The following HDAC9 variants were observed in gnomAD, a reference collection of about 807,000 sequenced individuals.
HDAC9 encodes the protein histone deacetylase 9.
Under a neutral mutation model 139.4 loss-of-function variants are expected in HDAC9, and 41 were observed. That is an observed-to-expected ratio of 0.29 (90% CI 0.23 to 0.38). HDAC9 has a LOEUF of 0.38. HDAC9 is among the 10% of genes least tolerant of loss of function. The probability of loss-of-function intolerance (pLI) is 1.00; values close to 1 mark genes in which losing one functional copy is unlikely to be tolerated. For synonymous variants in HDAC9, 517 were observed against 476.2 expected (o/e 1.09, Z -1.12); for missense variants, 1,147 against 1,297.0 (o/e 0.88, Z 1.78).
At chr7:18,725,936 C>G (rs1376501201) in intron 12 of HDAC9, among the ~76,000 whole-genome samples, 2 of 152,102 alleles carry the variant, frequency 1.3e-5, no homozygotes, top group African/African-American at 4.8e-5. Flanking sequence ...AAGCGAATGC[C>G]CAAAGCCTCA....
chr7:18,210,521 G>T (rs1464428812), intron 2 of HDAC9, among the ~76,000 whole-genome samples: 1 of 152,142 alleles, frequency 6.6e-6, no homozygotes, highest in East Asian at 1.9e-4. Flanking sequence ...TAATGTAATT[G>T]AGTCACTTAC....
rs190416236 is a variant in HDAC9 at position 18,595,813 on chromosome 7, T to G, written c.664+1784T>G. 1.5e-3 allele frequency among the ~76,000 whole-genome samples: 228 copies of G among 152,190 alleles called. 2 individuals carry two copies. Among genetic ancestry groups the G allele is most frequent in the South Asian group, 1.7e-3 (8 of 4,832 alleles). ...AAGCACCCAGTGAGAAAATCTGATA[T>G]TTTTAATACTTAAGGAGAAGTACTA... On this transcript the variant is annotated intron_variant, in intron 6 of 25. Transcript: ENST00000686413.
At chr7:18,394,819 G>T (rs1004789228) in intron 1 of HDAC9, among the ~76,000 whole-genome samples, 7 of 152,176 alleles carry the variant, frequency 4.6e-5, no homozygotes, top group African/African-American at 7.2e-5. Context: ...ATGGAGGAGC[G>T]TGTCATTTCT....
rs948885374 is a variant in HDAC9 at position 18,997,207 on chromosome 7, T to C, written c.*1145T>C. 5.9e-5 allele frequency: 9 copies of C among 152,004 alleles called. No individual in the cohort carries two copies. Among genetic ancestry groups the C allele is most frequent in the African/African-American group, 2.2e-4 (9 of 41,396 alleles). The allele number at this position is 152,004 out of a possible 1,614,324, so 9.4% of individuals were successfully genotyped here. A position where few individuals can be genotyped will look rare whatever the true frequency, so the allele number is the denominator to read the frequency against. On this transcript the variant is annotated 3_prime_UTR_variant, in exon 26 of 26. Transcript: ENST00000686413. ...ATGAATATCACTTAAGCAACGTTGC[T>C]AAATTTCTATGTGTTTGAAATGTGT...
intron 1 of HDAC9, among the ~76,000 whole-genome samples, chr7:18,442,370 T>A (rs1242527365): frequency 6.6e-6 from 1 of 152,212 alleles, no homozygotes; most frequent in African/African-American, 2.4e-5. Flanking sequence ...TGCTTGGAAA[T>A]AAATTTGAGA....
intron 24 of HDAC9, among the ~76,000 whole-genome samples, chr7:18,971,557 T>C (rs929772097): frequency 2.0e-5 from 3 of 152,248 alleles, no homozygotes; most frequent in Non-Finnish European, 4.4e-5. Context: ...CATGAAAATA[T>C]AACCCATAAA....
At chr7:18,888,076 C>T (rs1800324972) in intron 22 of HDAC9, among the ~76,000 whole-genome samples, 2 of 152,156 alleles carry the variant, frequency 1.3e-5, no homozygotes, top group South Asian at 4.1e-4. Context: ...TGGTAAAGCG[C>T]CATAAATTCT....
At chr7:18,130,593 A>T (rs1784939550) in intron 1 of HDAC9, among the ~76,000 whole-genome samples, 1 of 152,122 alleles carries the variant, frequency 6.6e-6, no homozygotes, top group South Asian at 2.1e-4. Context: ...AGAGTTGTGC[A>T]CCCATCACTA....
intron 1 of HDAC9, among the ~76,000 whole-genome samples, chr7:18,326,359 ATTTG>A (rs557710014): frequency 3.4e-4 from 51 of 152,190 alleles, no homozygotes; most frequent in Middle Eastern, 3.4e-3. Flanking sequence ...AATTTTTACA[ATTTG>A]TTTGGGGCAA....
intron 2 of HDAC9, among the ~76,000 whole-genome samples, chr7:18,244,415 A>C (rs1446639174): frequency 2.0e-5 from 3 of 152,214 alleles, no homozygotes; most frequent in Non-Finnish European, 4.4e-5. Flanking sequence ...TCATTTCTTG[A>C]AAACTTGCTT....
At chr7:18,347,234 G>A (rs1317927331) in intron 1 of HDAC9, among the ~76,000 whole-genome samples, 1 of 152,136 alleles carries the variant, frequency 6.6e-6, no homozygotes, top group Non-Finnish European at 1.5e-5. Context: ...TATTTTTAAA[G>A]CATATTATAA....
rs114988767 is a variant in HDAC9, at chr7:18,467,557, G to A, written c.-41-28705G>A. Among the ~76,000 whole-genome samples, 353 of 152,086 alleles carry A rather than the reference G, an allele frequency of 2.3e-3. 5 individuals are homozygous for A. Among genetic ancestry groups the A allele is most frequent in the African/African-American group, 7.9e-3 (326 of 41,496 alleles). On this transcript the variant is annotated intron_variant, in intron 1 of 3. Coordinates refer to the HDAC9 transcript ENST00000413509. ...TTCTATACTTGCCATTTATATTACC[G>A]TAACTATAAATGATTGATAAATTAT...
In HDAC9 at chr7:18,162,180, G is replaced by A; in HGVS notation, c.-96-49G>A. On this transcript the variant is annotated intron_variant, in intron 1 of 12. Coordinates refer to the HDAC9 transcript ENST00000417496. ...GTTCTCTGTGTTTCTTTTTCAGTGT[G>A]ACTTGATATAGCTTGTATCTTAAAC... is the stretch of plus-strand genomic sequence containing the variant. 3 of 679,404 alleles carry A rather than the reference G, an allele frequency of 4.4e-6. No homozygotes were observed. The East Asian group carries it at 8.4e-5, about 19-fold the overall frequency. The allele number at this position is 679,404 out of a possible 1,614,324, so 42.1% of individuals were successfully genotyped here.
rs181801076 is a variant in HDAC9, at chr7:18,481,476, A to G, written c.-41-14786A>G. Among the ~76,000 whole-genome samples, 152 of 152,310 alleles carry G rather than the reference A, an allele frequency of 1.0e-3. No individual in the cohort carries two copies. The South Asian group carries it at 0.013, about 13-fold the overall frequency. On this transcript the variant is annotated intron_variant, in intron 1 of 3. Transcript: ENST00000413509. The stretch of plus-strand genomic sequence containing the variant: ...TGGGTTACTCAAATGGATATTAACT[A>G]CAACACCACTATAAACTGCTGAACA...
At chr7:18,952,623 C>T (rs1782877162) in intron 23 of HDAC9, among the ~76,000 whole-genome samples, 2 of 151,944 alleles carry the variant, frequency 1.3e-5, no homozygotes, top group African/African-American at 2.4e-5. Flanking sequence ...CCCTCTGAAC[C>T]TTGTCTAATG....
At chr7:18,799,742 T>C (rs187933483) in intron 17 of HDAC9, among the ~76,000 whole-genome samples, 186 of 151,746 alleles carry the variant, frequency 1.2e-3, no homozygotes, top group Non-Finnish European at 2.4e-3. Context: ...GAAAAGAGAA[T>C]GAAGAAAAAT....
intron 1 of HDAC9, among the ~76,000 whole-genome samples, chr7:18,409,827 C>A (rs948247486): frequency 6.6e-6 from 1 of 152,080 alleles, no homozygotes; most frequent in Non-Finnish European, 1.5e-5. Context: ...ATGGAAAGCT[C>A]CTCAAATATT....
chr7:18,375,410 AG>A (rs1373287407), intron 1 of HDAC9, among the ~76,000 whole-genome samples: 21 of 152,268 alleles, frequency 1.4e-4, no homozygotes, highest in African/African-American at 5.1e-4. Context: ...TGGAGGTTGC[AG>A]TGAGCCGAGA....
chr7:18,933,587 A>G (rs1189102743), intron 22 of HDAC9, among the ~76,000 whole-genome samples: 1 of 152,174 alleles, frequency 6.6e-6, no homozygotes, highest in South Asian at 2.1e-4. Context: ...TTTCACATAT[A>G]AAGTTACAAT....
Sources: gnomAD v4.1 joint callset for allele counts (sites outside exome capture counted in the v4.1 genomes callset) on GRCh38, gnomAD v4.1.1 for gene constraint, MANE v1.5 for transcripts, NCBI Gene and HGNC (gene_info 2026-07-23, HGNC 2026-07-21) for gene names.